The following ANK3 variants were observed in gnomAD, a reference collection of about 807,000 sequenced individuals.
The protein encoded by ANK3 is ankyrin-3.
A neutral mutation model predicts 370.9 loss-of-function variants in ANK3; 57 were observed. The observed-to-expected ratio is 0.15, with a 90% CI of 0.12 to 0.19. ANK3 has a LOEUF of 0.19. Ranked by LOEUF, ANK3 falls within the 10% of genes least tolerant of loss-of-function variation. ANK3 has a pLI of 1.00. For missense variants in ANK3, 4,439 were observed against 5,302.1 expected (o/e 0.84, Z 5.06); for synonymous variants, 1,929 against 1,946.3 (o/e 0.99, Z 0.23).
At chr10:60,402,675 T>G (rs531575697) in intron 2 of ANK3, among the ~76,000 whole-genome samples, 2 of 152,286 alleles carry the variant, frequency 1.3e-5, no homozygotes, top group Admixed American at 1.3e-4. Flanking sequence ...CCATTCTGTT[T>G]AGGAACATGG....
chr10:60,128,038 T>C (rs2093859452), intron 25 of ANK3, among the ~76,000 whole-genome samples: 1 of 152,298 alleles, frequency 6.6e-6, no homozygotes, highest in African/African-American at 2.4e-5. Context: ...ATATGTCAGT[T>C]CTTTTTAAAG....
Position 60,107,114 on chromosome 10 carries a change from G to A in ANK3, c.3174-1055C>T, listed in dbSNP as rs192812397. Among the ~76,000 whole-genome samples the A allele has an allele frequency of 2.8e-3, 425 of 152,056 alleles. 5 individuals carry two copies. The highest frequency in any genetic ancestry group is 4.0e-3 in the Non-Finnish European group (273 of 67,948). On this transcript the variant is annotated intron_variant, in intron 27 of 43. Transcript: ENST00000280772. ...TATTAGAAAAGCATTTGCTTCAAAC[G>A]GGGATGATAAATATGGTCATTTTGC... is the stretch of plus-strand genomic sequence containing the variant.
At chr10:60,231,591 C>T (rs535307873) in intron 8 of ANK3, among the ~76,000 whole-genome samples, 39 of 152,244 alleles carry the variant, frequency 2.6e-4, no homozygotes, top group African/African-American at 8.7e-4. Context: ...TAGGCTTGCC[C>T]CCATGGCTTT....
At chr10:60,126,734 TTC>T (rs2132156400) in intron 25 of ANK3, among the ~76,000 whole-genome samples, 1 of 152,148 alleles carries the variant, frequency 6.6e-6, no homozygotes, top group South Asian at 2.1e-4. Context: ...CTTTATAGCA[TTC>T]TCTTAAATCA....
intron 1 of ANK3, among the ~76,000 whole-genome samples, chr10:60,365,304 C>A (rs543090804): frequency 6.6e-6 from 1 of 151,950 alleles, no homozygotes; most frequent in East Asian, 1.9e-4. Flanking sequence ...AGTTATAGAT[C>A]CCCATGCTTT....
intron 35 of ANK3, chr10:60,081,916 T>C: frequency 5.1e-6 from 2 of 392,912 alleles, no homozygotes; most frequent in Non-Finnish European, 9.0e-6. Context: ...TTAAAGACCT[T>C]CAGTTTCTGA....
chr10:60,142,617 G>A (rs2094617974), intron 23 of ANK3, among the ~76,000 whole-genome samples: 1 of 151,756 alleles, frequency 6.6e-6, no homozygotes, highest in South Asian at 2.1e-4. Context: ...ATGAAAGTAA[G>A]TTTCCATTAT....
At chr10:60,370,700 A>C (rs2059990186) in intron 1 of ANK3, among the ~76,000 whole-genome samples, 1 of 152,174 alleles carries the variant, frequency 6.6e-6, no homozygotes, top group African/African-American at 2.4e-5. Context: ...GACAAAAATC[A>C]GTGGCTTCAA....
At chr10:60,118,634 T>A (rs1390750576) in intron 25 of ANK3, among the ~76,000 whole-genome samples, 1 of 151,568 alleles carries the variant, frequency 6.6e-6, no homozygotes, top group Non-Finnish European at 1.5e-5. Context: ...AAACACTTAA[T>A]ACAAAGTAGT....
chr10:60,097,550 A>C (rs2090382198), intron 28 of ANK3, among the ~76,000 whole-genome samples: 1 of 152,208 alleles, frequency 6.6e-6, no homozygotes, highest in Non-Finnish European at 1.5e-5. Flanking sequence ...TACAAACAAC[A>C]AGAATCATAA....
At chr10:60,224,981 T>G (rs1298657502) in intron 8 of ANK3, among the ~76,000 whole-genome samples, 1 of 151,620 alleles carries the variant, frequency 6.6e-6, no homozygotes, top group Non-Finnish European at 1.5e-5. Flanking sequence ...TGGCACAATC[T>G]CAGCTCACTG....
At chr10:60,235,550 G>GTTTTTTTTTTTTTTTTT (rs72388493) in intron 7 of ANK3, among the ~76,000 whole-genome samples, 1 of 115,052 alleles carries the variant, frequency 8.7e-6, no homozygotes, top group African/African-American at 3.3e-5. Flanking sequence ...CTGATTTCTT[G>GTTTTTTTTTTTTTTTTT]TTTTTTTTTT....
intron 2 of ANK3, among the ~76,000 whole-genome samples, chr10:60,416,981 A>G (rs960582997): frequency 1.3e-5 from 2 of 152,206 alleles, no homozygotes; most frequent in Admixed American, 6.5e-5. Context: ...CTGTTCTCCA[A>G]GACTTGGAGA....
chr10:60,323,211 C>G (rs2049050663), intron 1 of ANK3, among the ~76,000 whole-genome samples: 2 of 152,144 alleles, frequency 1.3e-5, no homozygotes, highest in Non-Finnish European at 2.9e-5. Context: ...CTCTGAGAAA[C>G]AGAAGATACC....
At chr10:60,173,504 T>G (rs2095848346) in intron 18 of ANK3, among the ~76,000 whole-genome samples, 1 of 152,240 alleles carries the variant, frequency 6.6e-6, no homozygotes, top group African/African-American at 2.4e-5. Flanking sequence ...ATTCAGTGGC[T>G]TCTTATTCGG....
chr10:60,262,669 A>G (rs2097824470), intron 6 of ANK3, among the ~76,000 whole-genome samples: 1 of 152,136 alleles, frequency 6.6e-6, no homozygotes, highest in South Asian at 2.1e-4. Context: ...TAGCTATCTC[A>G]CTGAGTCTTG....
chr10:60,363,084 G>C lies in ANK3; in HGVS notation c.114+26341C>G, dbSNP rs930991036. Among the ~76,000 whole-genome samples, 9 of 147,886 alleles carry C rather than the reference G, an allele frequency of 6.1e-5. No homozygotes were observed. In the East Asian group the frequency reaches 1.5e-3, roughly 24 times the overall value. On this transcript the variant is annotated intron_variant, in intron 1 of 43. Coordinates refer to ENST00000280772, the MANE Select transcript of ANK3 (RefSeq NM_020987.5). ...GCAGCTGGGGTTGCGGCGGGCGGGC[G>C]GGGGAGGGGGGCGGGGGGCGCAATA...
intron 18 of ANK3, among the ~76,000 whole-genome samples, chr10:60,176,368 CA>C (rs752384374): frequency 7.1e-4 from 73 of 102,320 alleles, no homozygotes; most frequent in Admixed American, 2.0e-3. Flanking sequence ...CTCTGTCTCC[CA>C]AAAAAAAAAA....
intron 2 of ANK3, among the ~76,000 whole-genome samples, chr10:60,492,725 G>A (rs900391239): frequency 0.033 from 3,241 of 97,062 alleles, 117 homozygotes; most frequent in African/African-American, 0.067. Context: ...AAAAAAAAAA[G>A]AAAGAAAGAA....
Sources: gnomAD v4.1 joint callset for allele counts (sites outside exome capture counted in the v4.1 genomes callset) on GRCh38, gnomAD v4.1.1 for gene constraint, MANE v1.5 for transcripts, NCBI Gene and HGNC (gene_info 2026-07-23, HGNC 2026-07-21) for gene names.